Variants in CACNA1C observed in about 807,000 individuals in gnomAD.
CACNA1C encodes voltage-dependent L-type calcium channel subunit alpha-1C.
A neutral mutation model predicts 229.0 loss-of-function variants in CACNA1C; 30 were observed. The observed-to-expected ratio is 0.13, with a 90% CI of 0.10 to 0.18. CACNA1C has a LOEUF of 0.18. Ranked by LOEUF, CACNA1C falls within the 10% of genes least tolerant of loss-of-function variation. The probability of loss-of-function intolerance (pLI) is 1.00; values close to 1 mark genes in which losing one functional copy is unlikely to be tolerated. For missense variants in CACNA1C, 1,658 were observed against 2,845.0 expected, an observed-to-expected ratio of 0.58 and a Z score of 9.49; for synonymous variants, 1,114 against 1,132.5, an observed-to-expected ratio of 0.98 and a Z score of 0.33.
chr12:2,504,391 A>T lies in CACNA1C; in HGVS notation c.1114-451A>T. On this transcript the variant is annotated intron_variant, in intron 7 of 46. Transcript: ENST00000399655. This position sits in a 1 kb window ranked among gnomAD's most constrained non-coding sequence, Gnocchi z 6.8. ...ACCTGCTGCCTGCCTCTTTGCTGTAACCCAATTCTGCTTCTTCTTTCCTAA... is the reference window on the plus strand; with the variant it reads ...ACCTGCTGCCTGCCTCTTTGCTGTATCCCAATTCTGCTTCTTCTTTCCTAA... The T allele has an allele frequency of 1.8e-6, 2 of 1,140,860 alleles. No individual in the cohort carries two copies. The highest frequency in any genetic ancestry group is 2.7e-6 in the Non-Finnish European group (2 of 749,198). The allele number at this position is 1,140,860 out of a possible 1,614,324, so 70.7% of individuals were successfully genotyped here.
At chr12:2,656,695 A>G (rs1476417922) in intron 34 of CACNA1C, among the ~76,000 whole-genome samples, 1 of 152,270 alleles carries the variant, frequency 6.6e-6, no homozygotes, top group Non-Finnish European at 1.5e-5. Flanking sequence ...ACAAAGCTAC[A>G]GTAACCAAAA....
chr12:2,148,262 T>A (rs2094907243), intron 3 of CACNA1C, among the ~76,000 whole-genome samples: 1 of 151,346 alleles, frequency 6.6e-6, no homozygotes, highest in Non-Finnish European at 1.5e-5. Context: ...AAACTTTGTC[T>A]CTGTCTTTCG....
chr12:1,999,213 A>G (rs1182632675), intron 1 of CACNA1C, among the ~76,000 whole-genome samples: 2 of 152,208 alleles, frequency 1.3e-5, no homozygotes, highest in East Asian at 1.9e-4. Context: ...ATTCTGATGT[A>G]TGCTAGTTTG....
rs891128971 is a variant in CACNA1C, at chr12:2,457,000, C to G, written c.618-567C>G. Among the ~76,000 whole-genome samples the G allele has an allele frequency of 2.6e-5, 4 of 152,214 alleles. No homozygotes were observed. The South Asian group carries it at 6.2e-4, about 24-fold the overall frequency. ...AAGCCCTGTGTCTCAGTTACGTGCA[C>G]GTGTGGTTCTACCCCACTTGAGACC... On this transcript the variant is annotated intron_variant, in intron 4 of 46. Transcript: ENST00000399655.
In CACNA1C at chr12:2,632,027, G is replaced by A. The variant is rs965863275; in HGVS notation, c.3829-2270G>A. 1.3e-5 allele frequency among the ~76,000 whole-genome samples: 2 copies of A among 151,898 alleles called. No individual in the cohort carries two copies. Among genetic ancestry groups the A allele is most frequent in the African/African-American group, 4.8e-5 (2 of 41,342 alleles). On this transcript the variant is annotated intron_variant, in intron 29 of 46. Coordinates refer to ENST00000399655, the MANE Select transcript of CACNA1C (RefSeq NM_000719.7). This position sits in a 1 kb window ranked among gnomAD's most constrained non-coding sequence, Gnocchi z 4.1. ...GAGGAAAAGTTGGCAGCCTTCAAGTGAGCTGGGGAGAGATCTGGGGAACCT... is the reference window on the plus strand; with the variant it reads ...GAGGAAAAGTTGGCAGCCTTCAAGTAAGCTGGGGAGAGATCTGGGGAACCT...
intron 28 of CACNA1C, 117 bp from the exon 29 acceptor site, chr12:2,611,786 T>G (rs1602056147): frequency 6.3e-6 from 4 of 631,250 alleles, no homozygotes; most frequent in East Asian, 2.8e-5. Flanking sequence ...CCTCTGGGGG[T>G]TTGGTTCAAG....
chr12:2,161,674 G>A (rs368431873), intron 3 of CACNA1C, among the ~76,000 whole-genome samples: 4 of 152,210 alleles, frequency 2.6e-5, no homozygotes, highest in African/African-American at 9.7e-5. Flanking sequence ...CCAAACTGAC[G>A]GTGCTGTAGA....
At chr12:2,641,821 C>T in intron 30 of CACNA1C, 1 of 701,278 alleles carries the variant, frequency 1.4e-6, no homozygotes, top group Non-Finnish European at 2.6e-6. Flanking sequence ...CCCTCCCCAT[C>T]CCCCCACAAA....
intron 3 of CACNA1C, among the ~76,000 whole-genome samples, chr12:2,377,309 T>G (rs2098105306): frequency 1.3e-5 from 2 of 152,170 alleles, no homozygotes; most frequent in South Asian, 4.1e-4. Flanking sequence ...AGCAGAGCCC[T>G]AAGAGGTGAT....
chr12:2,232,227 GTTTTTTTT>G (rs1169407536), intron 3 of CACNA1C, among the ~76,000 whole-genome samples: 904 of 73,582 alleles, frequency 0.012, 8 homozygotes, highest in African/African-American at 0.02. Context: ...GTCTTTCCTT[GTTTTTTTT>G]TTTTTTTTTT....
intron 3 of CACNA1C, among the ~76,000 whole-genome samples, chr12:2,342,114 A>G (rs549557157): frequency 1.3e-5 from 2 of 152,250 alleles, no homozygotes; most frequent in African/African-American, 4.8e-5. Context: ...AGTATTAACC[A>G]CTTAAAAACC....
chr12:2,306,007 A>G (rs1384119358), intron 3 of CACNA1C, among the ~76,000 whole-genome samples: 1 of 152,248 alleles, frequency 6.6e-6, no homozygotes, highest in East Asian at 1.9e-4. Flanking sequence ...AGTTGAAGAA[A>G]CGAAGGCACC....
rs2153630575 is a variant in CACNA1C, at chr12:2,646,658, T to A, written c.3913-1817T>A. The A allele has an allele frequency of 6.6e-6, 1 of 152,218 alleles. No individual in the cohort carries two copies. Among genetic ancestry groups the A allele is most frequent in the South Asian group, 2.1e-4 (1 of 4,816 alleles). 9.4% of individuals were successfully genotyped at this position (152,218 alleles called of 1,614,324 possible). On this transcript the variant is annotated intron_variant, in intron 30 of 46. Coordinates refer to ENST00000399655, the MANE Select transcript of CACNA1C (RefSeq NM_000719.7). This position sits in a 1 kb window ranked among gnomAD's most constrained non-coding sequence, Gnocchi z 4.6. The stretch of plus-strand genomic sequence containing the variant: ...AGCGGGGCAGAAAGGTGCCAGTGGA[T>A]AGCTAGACCTGACCATCCTGGGCAA...
At position 2,688,620 on chromosome 12, in the gene CACNA1C, C is replaced by T. The variant is rs762939770; in HGVS notation, c.5958C>T (p.Ser1986=). 6.2e-7 allele frequency: 1 copy of T among 1,614,010 alleles called. No individual in the cohort carries two copies. Among genetic ancestry groups the T allele is most frequent in the Non-Finnish European group, 8.5e-7 (1 of 1,179,904 alleles). The stretch of plus-strand genomic sequence containing the variant: ...AGTCCAGTGAGAAACTCAACAGCAG[C>T]TTCCCATCCATCCACTGCGGCTCCT... ...GVESSEKLNS[S]FPSIHCGSWA... The change falls in exon 46 of 47, where the codon AGC becomes AGT. Residue 1986 remains serine (S), a synonymous_variant. Transcript: ENST00000399655.
chr12:2,188,089 C>A (rs927284449), intron 3 of CACNA1C, among the ~76,000 whole-genome samples: 1 of 152,204 alleles, frequency 6.6e-6, no homozygotes, highest in Non-Finnish European at 1.5e-5. Flanking sequence ...AAAGGAACTT[C>A]TTATCAGCAG....
intron 34 of CACNA1C, among the ~76,000 whole-genome samples, chr12:2,661,475 A>AG (rs2095737259): frequency 6.6e-6 from 1 of 152,120 alleles, no homozygotes; most frequent in Admixed American, 6.5e-5. Flanking sequence ...TTAAAAAAAA[A>AG]CAACTACAAC....
intron 9 of CACNA1C, among the ~76,000 whole-genome samples, chr12:2,538,453 C>G (rs1043007246): frequency 6.6e-6 from 1 of 151,996 alleles, no homozygotes; most frequent in Non-Finnish European, 1.5e-5. Flanking sequence ...TTTTTCTCTT[C>G]TCTTTTTCTC....
At chr12:2,550,578 C>G in intron 10 of CACNA1C, 1 of 1,351,780 alleles carries the variant, frequency 7.4e-7, no homozygotes. Flanking sequence ...GCCTGCTGTT[C>G]TGTTGCCTTG....
rs1158239485 is a variant in CACNA1C, at chr12:2,679,882, G to C, written c.5444+86G>C. The C allele has an allele frequency of 2.1e-6, 2 of 972,810 alleles. No individual in the cohort carries two copies. The highest frequency in any genetic ancestry group is 3.0e-6 in the Non-Finnish European group (2 of 660,168). 60.3% of individuals were successfully genotyped at this position (972,810 alleles called of 1,614,324 possible). A position where few individuals can be genotyped will look rare whatever the true frequency, so the allele number is the denominator to read the frequency against. ...AGACAGTGGAGGAGACGGAGGCCTC[G>C]GCCAGCCACTTGTCCCTCAAGCTTC... On this transcript the variant is annotated intron_variant, in intron 42 of 46. Transcript: ENST00000399655. This position sits in a 1 kb window ranked among gnomAD's most constrained non-coding sequence, Gnocchi z 5.5.
Sources: gnomAD v4.1 joint callset for allele counts (sites outside exome capture counted in the v4.1 genomes callset) on GRCh38, gnomAD v4.1.1 for gene constraint, Gnocchi (gnomAD v3.1) non-coding constraint, MANE v1.5 for transcripts, NCBI Gene and HGNC (gene_info 2026-07-23, HGNC 2026-07-21) for gene names.